Variants in PDE4D observed in about 807,000 individuals in gnomAD.
The protein encoded by PDE4D is 3',5'-cyclic-AMP phosphodiesterase 4D.
PDE4D carries 24 observed loss-of-function variants against 87.4 expected under a neutral mutation model. The ratio of observed to expected loss-of-function variants is 0.27; its 90% CI spans 0.20 to 0.39. The LOEUF (loss-of-function observed/expected upper bound fraction) is 0.39, where lower values mean the gene tolerates loss of function less well. Ranked by LOEUF, PDE4D falls within the 10% of genes least tolerant of loss-of-function variation. PDE4D has a pLI of 1.00. For synonymous variants in PDE4D, 384 were observed against 383.2 expected (o/e 1.00, Z -0.02); for missense variants, 714 against 1,041.0 (o/e 0.69, Z 4.32).
At chr5:59,991,363 T>C (rs1480027993) in intron 2 of PDE4D, among the ~76,000 whole-genome samples, 1 of 152,144 alleles carries the variant, frequency 6.6e-6, no homozygotes. Flanking sequence ...CCTGGGAGTC[T>C]GAATTTTAGT....
At chr5:60,402,425 C>T (rs1741171719) in intron 1 of PDE4D, among the ~76,000 whole-genome samples, 3 of 152,148 alleles carry the variant, frequency 2.0e-5, no homozygotes, top group Admixed American at 1.3e-4. Context: ...TGTGAAATGC[C>T]CACTATGGTG....
chr5:60,325,401 C>A (rs953972738), intron 1 of PDE4D, among the ~76,000 whole-genome samples: 8 of 152,102 alleles, frequency 5.3e-5, no homozygotes, highest in Non-Finnish European at 1.2e-4. Context: ...ATCTAATGGT[C>A]CCCTGAAAGT....
chr5:60,417,204 C>T (rs1014241647), intron 1 of PDE4D, among the ~76,000 whole-genome samples: 3 of 152,160 alleles, frequency 2.0e-5, no homozygotes, highest in Admixed American at 6.5e-5. Context: ...AATTCTGGGG[C>T]GGATTCTCCC....
intron 5 of PDE4D, among the ~76,000 whole-genome samples, chr5:59,044,890 T>C (rs1760356332): frequency 1.3e-5 from 2 of 152,248 alleles, no homozygotes; most frequent in African/African-American, 4.8e-5. Context: ...CCTATGCCTC[T>C]AGTAGAATTT....
chr5:59,233,048 T>C (rs887337996), intron 1 of PDE4D, among the ~76,000 whole-genome samples: 3 of 152,116 alleles, frequency 2.0e-5, no homozygotes, highest in Admixed American at 1.3e-4. Context: ...GAAGAGAGGT[T>C]GGCTAACGTA....
intron 1 of PDE4D, among the ~76,000 whole-genome samples, chr5:59,523,261 A>AT (rs1416069356): frequency 6.6e-6 from 1 of 152,218 alleles, no homozygotes; most frequent in Non-Finnish European, 1.5e-5. Flanking sequence ...CCTTATTAGC[A>AT]TTTTGTATCT....
intron 2 of PDE4D, among the ~76,000 whole-genome samples, chr5:60,081,882 G>A (rs911676221): frequency 6.6e-6 from 1 of 152,146 alleles, no homozygotes; most frequent in African/African-American, 2.4e-5. Flanking sequence ...ACTAACAAAA[G>A]TCTTCTCAGG....
At chr5:59,500,213 T>C (rs1398811789) in intron 1 of PDE4D, among the ~76,000 whole-genome samples, 1 of 152,130 alleles carries the variant, frequency 6.6e-6, no homozygotes, top group South Asian at 2.1e-4. Flanking sequence ...TCTCAAGAAC[T>C]AATAATAGAA....
At chr5:59,360,017 A>C (rs1182505567) in intron 1 of PDE4D, among the ~76,000 whole-genome samples, 1 of 152,128 alleles carries the variant, frequency 6.6e-6, no homozygotes, top group African/African-American at 2.4e-5. Flanking sequence ...GCTCTAAATA[A>C]GGCATCGTTT....
At chr5:59,564,730 G>A (rs989796554) in intron 1 of PDE4D, among the ~76,000 whole-genome samples, 3 of 152,160 alleles carry the variant, frequency 2.0e-5, no homozygotes, top group Non-Finnish European at 2.9e-5. Flanking sequence ...AGTCAGGCAG[G>A]TGGTGATGAC....
intron 5 of PDE4D, among the ~76,000 whole-genome samples, chr5:59,177,812 C>A (rs1260379855): frequency 3.3e-5 from 5 of 152,304 alleles, no homozygotes; most frequent in African/African-American, 1.2e-4. Context: ...GACAGGCATA[C>A]ATTTGCGAAC....
chr5:60,416,453 C>G (rs1334119595), intron 1 of PDE4D, among the ~76,000 whole-genome samples: 5 of 152,152 alleles, frequency 3.3e-5, no homozygotes, highest in Non-Finnish European at 7.3e-5. Context: ...TGCAGCTTCA[C>G]TCCGGAAGCC....
intron 5 of PDE4D, among the ~76,000 whole-genome samples, chr5:59,072,276 T>TAAG (rs1392516650): frequency 6.6e-6 from 1 of 152,210 alleles, no homozygotes; most frequent in Admixed American, 6.5e-5. Flanking sequence ...CCAGAAGGCT[T>TAAG]AAGCATAGTT....
intron 2 of PDE4D, among the ~76,000 whole-genome samples, chr5:59,195,826 A>C (rs774316346): frequency 1.3e-5 from 2 of 152,152 alleles, no homozygotes; most frequent in Non-Finnish European, 2.9e-5. Context: ...CAGTAGTAAA[A>C]CCTTTTAAAT....
chr5:59,960,693 A>G (rs1759373546), intron 3 of PDE4D, among the ~76,000 whole-genome samples: 1 of 152,042 alleles, frequency 6.6e-6, no homozygotes, highest in Non-Finnish European at 1.5e-5. Flanking sequence ...ACAGTGACAC[A>G]AGGAACTCAA....
intron 2 of PDE4D, among the ~76,000 whole-genome samples, chr5:60,129,015 C>G (rs1562128857): frequency 6.6e-6 from 1 of 152,188 alleles, no homozygotes; most frequent in Non-Finnish European, 1.5e-5. Flanking sequence ...CTTTGATTGA[C>G]AGTTTATTAA....
At chr5:59,844,940 T>C (rs1743597145) in intron 1 of PDE4D, among the ~76,000 whole-genome samples, 1 of 152,002 alleles carries the variant, frequency 6.6e-6, no homozygotes, top group South Asian at 2.1e-4. Context: ...TTGCTGGTCT[T>C]GAAGTAAGTG....
intron 2 of PDE4D, among the ~76,000 whole-genome samples, chr5:60,124,474 C>A (rs1582775372): frequency 6.6e-6 from 1 of 151,890 alleles, no homozygotes; most frequent in South Asian, 2.1e-4. Flanking sequence ...AAAATAATAG[C>A]AAATCAGAAA....
chr5:60,126,719 A>G (rs1347221533), intron 2 of PDE4D, among the ~76,000 whole-genome samples: 1 of 152,204 alleles, frequency 6.6e-6, no homozygotes, highest in African/African-American at 2.4e-5. Context: ...CTAAATAAAT[A>G]CTTATTTAGA....
Sources: gnomAD v4.1 joint callset for allele counts (sites outside exome capture counted in the v4.1 genomes callset) on GRCh38, gnomAD v4.1.1 for gene constraint, MANE v1.5 for transcripts, NCBI Gene and HGNC (gene_info 2026-07-23, HGNC 2026-07-21) for gene names.